ACTMAP: variants seen among roughly 807,000 people sequenced by gnomAD.
ACTMAP encodes actin maturation protease.
chr19:40,745,336 T>C, the ACTMAP span: 1 of 809,278 alleles, frequency 1.2e-6, no homozygotes, highest in South Asian at 1.5e-5. Flanking sequence ...AGGCGGCTCC[T>C]GGTTCAGTCA....
chr19:40,743,293 C>T, the ACTMAP span, among the ~76,000 whole-genome samples: 1 of 150,206 alleles, frequency 6.7e-6, no homozygotes, highest in Non-Finnish European at 1.5e-5. Context: ...AGTGCAGTGG[C>T]ACGATCTCAG....
At chr19:40,743,136 C>T in the ACTMAP span, among the ~76,000 whole-genome samples, 3 of 152,202 alleles carry the variant, frequency 2.0e-5, no homozygotes, top group South Asian at 2.1e-4. Flanking sequence ...GACCTCCTGA[C>T]GCGGACCAAC....
At chr19:40,742,740 CTG>C in the ACTMAP span, 1 of 1,610,876 alleles carries the variant, frequency 6.2e-7, no homozygotes. Context: ...GTAGCCGAGA[CTG>C]GGCACAGCCC....
chr19:40,750,257 G>T, the ACTMAP span: 1 of 153,476 alleles, frequency 6.5e-6, no homozygotes, highest in South Asian at 1.9e-4. Flanking sequence ...TCACATCCCA[G>T]GCCCGAGTTC....
the ACTMAP span, among the ~76,000 whole-genome samples, chr19:40,748,357 T>C: frequency 6.6e-6 from 1 of 151,590 alleles, no homozygotes; most frequent in African/African-American, 2.4e-5. Context: ...CCAGCCTGGA[T>C]GAAAGAGGGA....
chr19:40,744,108 G>A, the ACTMAP span: 16 of 1,613,618 alleles, frequency 9.9e-6, no homozygotes, highest in Admixed American at 1.7e-5. Flanking sequence ...GCTGCAGGAC[G>A]AGGTCTCTGT....
chr19:40,742,473 C>T, the ACTMAP span: 4 of 1,475,610 alleles, frequency 2.7e-6, no homozygotes, highest in Non-Finnish European at 3.6e-6. Flanking sequence ...CAGGGCCTGG[C>T]CACAGAGGCC....
At chr19:40,742,036 GCCAGT>G in the ACTMAP span, 406 of 471,224 alleles carry the variant, frequency 8.6e-4, 6 homozygotes, top group South Asian at 5.7e-3. Flanking sequence ...GATCTAAAAG[GCCAGT>G]ATGACTAGTA....
the ACTMAP span, chr19:40,741,927 T>C: frequency 2.2e-6 from 1 of 445,414 alleles, no homozygotes; most frequent in Non-Finnish European, 4.5e-6. Flanking sequence ...TTCCCTGAGG[T>C]AGTGATACCT....
the ACTMAP span, chr19:40,744,433 C>T: frequency 4.7e-6 from 7 of 1,480,666 alleles, no homozygotes; most frequent in Middle Eastern, 2.4e-4. Context: ...CTCTGCTCTA[C>T]TGGGCAGTGG....
the ACTMAP span, chr19:40,741,386 T>C: frequency 5.2e-6 from 1 of 190,806 alleles, no homozygotes; most frequent in Non-Finnish European, 1.1e-5. Context: ...GAGGCTGGAG[T>C]GAGCTGAGAT....
the ACTMAP span, chr19:40,744,762 G>A: frequency 6.7e-7 from 1 of 1,503,000 alleles, no homozygotes; most frequent in South Asian, 1.3e-5. Context: ...GAACAGGTTT[G>A]CTGCCCTGGA....
At chr19:40,749,938 T>G in the ACTMAP span, 1 of 678,002 alleles carries the variant, frequency 1.5e-6, no homozygotes, top group Non-Finnish European at 2.3e-6. Context: ...GAGCAGTGGG[T>G]GTGAAAGGAC....
chr19:40,749,384 T>G, the ACTMAP span: 1 of 1,269,530 alleles, frequency 7.9e-7, no homozygotes, highest in Non-Finnish European at 1.1e-6. Context: ...GTCAGCCTGT[T>G]TGATCTTGAG....
chr19:40,742,462 G>A, the ACTMAP span: 1 of 1,470,282 alleles, frequency 6.8e-7, no homozygotes. Context: ...GGTGTGAGGA[G>A]CAGGGCCTGG....
chr19:40,744,422 T>C, the ACTMAP span: 32 of 1,453,982 alleles, frequency 2.2e-5, no homozygotes, highest in African/African-American at 7.0e-5. Context: ...TCTTGTAACC[T>C]CTCTGCTCTA....
the ACTMAP span, among the ~76,000 whole-genome samples, chr19:40,746,151 G>C: frequency 8.5e-5 from 13 of 152,124 alleles, no homozygotes; most frequent in Non-Finnish European, 5.9e-5. Flanking sequence ...CCTTGATAGT[G>C]AATCTTTGTA....
At chr19:40,743,218 C>T in the ACTMAP span, among the ~76,000 whole-genome samples, 16 of 144,860 alleles carry the variant, frequency 1.1e-4, no homozygotes, top group African/African-American at 2.3e-4. Context: ...ACATGTCACA[C>T]GCCAAGCCCT....
the ACTMAP span, chr19:40,745,309 G>A: frequency 9.2e-7 from 1 of 1,085,730 alleles, no homozygotes; most frequent in Non-Finnish European, 1.4e-6. Flanking sequence ...ATATGGGCCT[G>A]GCTGTCCTAA....
Sources: allele counts gnomAD v4.1 joint callset (sites outside exome capture counted in the v4.1 genomes callset), GRCh38; gene constraint gnomAD v4.1.1; transcripts MANE v1.5; gene names NCBI Gene and HGNC (gene_info 2026-07-23, HGNC 2026-07-21).